L3MBTL4: variants seen among roughly 807,000 people sequenced by gnomAD.
L3MBTL4 encodes lethal(3)malignant brain tumor-like protein 4.
A neutral mutation model predicts 84.5 loss-of-function variants in L3MBTL4; 70 were observed. The ratio of observed to expected loss-of-function variants is 0.83; its 90% CI spans 0.68 to 1.01. The LOEUF (loss-of-function observed/expected upper bound fraction) is 1.01, where lower values mean the gene tolerates loss of function less well. Ranked by LOEUF, L3MBTL4 falls within the 50% of genes least tolerant of loss-of-function variation. The pLI, the probability that L3MBTL4 is intolerant of heterozygous loss-of-function variation, is 0.00. For missense variants in L3MBTL4, 715 were observed against 754.8 expected (o/e 0.95, Z 0.62); for synonymous variants, 274 against 259.8 (o/e 1.05, Z -0.52).
intron 1 of L3MBTL4, among the ~76,000 whole-genome samples, chr18:6,351,674 C>A (rs1219937950): frequency 6.6e-6 from 1 of 152,028 alleles, no homozygotes; most frequent in East Asian, 1.9e-4. Flanking sequence ...GCCTCAGCCT[C>A]CCGAGTAGCT....
chr18:6,258,439 T>C lies in L3MBTL4; in HGVS notation c.219+5508A>G, dbSNP rs535241446. On this transcript the variant is annotated intron_variant, in intron 5 of 18. Transcript: ENST00000317931. ...GCGGTGGGCATGGATGGGGAGAGGA[T>C]AGCAGGGAGGCAACGGACTGAAGAT... 5.9e-5 allele frequency among the ~76,000 whole-genome samples: 9 copies of C among 152,128 alleles called. No individual in the cohort carries two copies. The South Asian group carries it at 6.2e-4, about 11-fold the overall frequency.
At chr18:5,977,061 G>A (rs375681062) in intron 16 of L3MBTL4, among the ~76,000 whole-genome samples, 144 of 152,186 alleles carry the variant, frequency 9.5e-4, no homozygotes, top group African/African-American at 3.4e-3. Context: ...CGGCTGTCAG[G>A]CTTTACAACA....
chr18:6,150,946 T>G (rs2042867366), intron 13 of L3MBTL4, among the ~76,000 whole-genome samples: 2 of 152,178 alleles, frequency 1.3e-5, no homozygotes, highest in African/African-American at 2.4e-5. Context: ...CCTTAGTGAG[T>G]GTCTCAGTGC....
chr18:6,016,942 C>T (rs2055013834), intron 16 of L3MBTL4, among the ~76,000 whole-genome samples: 1 of 152,008 alleles, frequency 6.6e-6, no homozygotes, highest in African/African-American at 2.4e-5. Flanking sequence ...CCAGGGGTAC[C>T]ACCGCCTCCT....
chr18:6,323,763 T>C (rs767160805), intron 1 of L3MBTL4, among the ~76,000 whole-genome samples: 3 of 152,192 alleles, frequency 2.0e-5, no homozygotes, highest in African/African-American at 7.2e-5. Flanking sequence ...TTTGGAAAAT[T>C]TGCAGCCTGG....
chr18:6,141,755 A>G (rs1274020089), intron 13 of L3MBTL4, among the ~76,000 whole-genome samples: 1 of 152,216 alleles, frequency 6.6e-6, no homozygotes, highest in African/African-American at 2.4e-5. Context: ...TGCGATAGCC[A>G]TTCTTCACTC....
chr18:6,123,278 G>C (rs992613597), intron 14 of L3MBTL4, among the ~76,000 whole-genome samples: 1 of 152,188 alleles, frequency 6.6e-6, no homozygotes, highest in African/African-American at 2.4e-5. Context: ...TGATCTTAGA[G>C]AATTATGTTG....
intron 16 of L3MBTL4, among the ~76,000 whole-genome samples, chr18:5,979,195 T>C (rs1409760883): frequency 6.6e-6 from 1 of 152,134 alleles, no homozygotes; most frequent in Non-Finnish European, 1.5e-5. Flanking sequence ...CCCTTTTCTC[T>C]GGGAATGTGC....
chr18:6,361,928 A>G (rs2053713350), intron 1 of L3MBTL4, among the ~76,000 whole-genome samples: 1 of 151,772 alleles, frequency 6.6e-6, no homozygotes, highest in Non-Finnish European at 1.5e-5. Flanking sequence ...CCAGCCTGAG[A>G]AACATAGTGA....
chr18:6,270,615 G>A (rs748267110), intron 4 of L3MBTL4, among the ~76,000 whole-genome samples: 12 of 152,164 alleles, frequency 7.9e-5, no homozygotes, highest in Non-Finnish European at 1.6e-4. Flanking sequence ...TCTTTGAGAC[G>A]AAGAGAAATT....
chr18:6,193,896 A>G (rs796097230), intron 12 of L3MBTL4, among the ~76,000 whole-genome samples: 7 of 152,360 alleles, frequency 4.6e-5, no homozygotes, highest in African/African-American at 1.7e-4. Flanking sequence ...ACCAAAAAGC[A>G]CACCAGGGAA....
At chr18:6,230,926 G>C (rs1296031950) in intron 10 of L3MBTL4, among the ~76,000 whole-genome samples, 1 of 151,872 alleles carries the variant, frequency 6.6e-6, no homozygotes, top group Non-Finnish European at 1.5e-5. Flanking sequence ...TTTTTTAATG[G>C]GGTTGTTTGT....
At chr18:6,203,341 A>T (rs1848808018) in intron 12 of L3MBTL4, among the ~76,000 whole-genome samples, 1 of 152,228 alleles carries the variant, frequency 6.6e-6, no homozygotes, top group African/African-American at 2.4e-5. Flanking sequence ...TCTAACATAG[A>T]GCCTCACATT....
chr18:6,341,294 A>C (rs1322918205), intron 1 of L3MBTL4, among the ~76,000 whole-genome samples: 1 of 152,190 alleles, frequency 6.6e-6, no homozygotes, highest in Non-Finnish European at 1.5e-5. Flanking sequence ...ATGGATACCT[A>C]TGAATTGCCC....
At chr18:6,071,769 G>GAA (rs2057642075) in intron 16 of L3MBTL4, among the ~76,000 whole-genome samples, 1 of 91,602 alleles carries the variant, frequency 1.1e-5, no homozygotes, top group Non-Finnish European at 2.3e-5. Flanking sequence ...AAAAAAGAAA[G>GAA]AAAGAAAGAA....
intron 14 of L3MBTL4, among the ~76,000 whole-genome samples, chr18:6,106,322 A>G (rs1598764643): frequency 6.6e-6 from 1 of 152,348 alleles, no homozygotes; most frequent in East Asian, 1.9e-4. Context: ...GATACTGATG[A>G]TATTAACATA....
Position 5,969,656 on chromosome 18 carries a change from C to T in L3MBTL4, c.1445-94G>A, listed in dbSNP as rs8097452. The T allele has an allele frequency of 5.5e-5, 72 of 1,311,012 alleles. No homozygotes were observed. The East Asian group carries it at 1.3e-3, about 23-fold the overall frequency. The allele number at this position is 1,311,012 out of a possible 1,614,324, so 81.2% of individuals were successfully genotyped here. ...AGTCCGGAGGGCCCAAGTCAGGGGACGGAAAGTGCAGACACCACCAGAACC... is the reference window on the plus strand; with the variant it reads ...AGTCCGGAGGGCCCAAGTCAGGGGATGGAAAGTGCAGACACCACCAGAACC... On this transcript the variant is annotated intron_variant, in intron 16 of 18. Coordinates refer to ENST00000317931, the MANE Select transcript of L3MBTL4 (RefSeq NM_001330559.2).
intron 13 of L3MBTL4, among the ~76,000 whole-genome samples, chr18:6,168,680 G>A (rs1262363020): frequency 3.9e-5 from 6 of 151,932 alleles, no homozygotes; most frequent in Admixed American, 6.6e-5. Flanking sequence ...ATTAATTCAA[G>A]ATGGATTAAA....
chr18:6,160,245 C>T (rs1489188502), intron 13 of L3MBTL4, among the ~76,000 whole-genome samples: 2 of 152,192 alleles, frequency 1.3e-5, no homozygotes, highest in Admixed American at 6.5e-5. Flanking sequence ...GAGGAGCCGG[C>T]GTTCATTCCC....
Sources: gnomAD v4.1 joint callset for allele counts (sites outside exome capture counted in the v4.1 genomes callset) on GRCh38, gnomAD v4.1.1 for gene constraint, MANE v1.5 for transcripts, NCBI Gene and HGNC (gene_info 2026-07-23, HGNC 2026-07-21) for gene names.